FH: variants seen among roughly 807,000 people sequenced by gnomAD.
FH encodes the protein fumarate hydratase, also known as fumarate hydratase, mitochondrial.
FH carries 22 observed loss-of-function variants against 49.4 expected under a neutral mutation model. The observed-to-expected ratio is 0.45, with a 90% CI of 0.32 to 0.64. The LOEUF (loss-of-function observed/expected upper bound fraction) is 0.64. Among genes scored for constraint, FH ranks in the 30% least tolerant of loss-of-function variants. FH has a pLI of 0.05. For missense variants in FH, 526 were observed against 641.5 expected (o/e 0.82, Z 1.95); for synonymous variants, 208 against 223.0 (o/e 0.93, Z 0.60).
chr1:241,513,614 C>A lies in FH; in HGVS notation c.367G>T (p.Ala123Ser). The A allele has an allele frequency of 6.2e-7, 1 of 1,613,332 alleles. No individual in the cohort carries two copies. The highest frequency in any genetic ancestry group is 2.2e-5 in the East Asian group (1 of 44,866). ...DPKIANAIMK[A>S]ADEVAEGKLN... ...TTATCACCTCCTACCTCATCTGCTG[C>A]CTTCATTATTGCATTAGCAATCTTT... is the stretch of plus-strand genomic sequence containing the variant. Residue 123 changes from alanine (A) to serine (S), a missense_variant, in exon 3 of 10, where the codon GCA becomes TCA. By Grantham distance (99) the Ala-to-Ser change is moderately conservative. Around this residue, in one of 2 missense-constraint regions of FH, gnomAD observed 383 missense variants for 514.0 expected, o/e 0.75. Transcript: ENST00000366560.
chr1:241,502,209 C>T (rs568356071), intron 8 of FH, among the ~76,000 whole-genome samples: 2 of 152,098 alleles, frequency 1.3e-5, no homozygotes, highest in Admixed American at 1.3e-4. Context: ...TGTAGGGAGG[C>T]ATTTTATTTT....
intron 6 of FH, among the ~76,000 whole-genome samples, chr1:241,505,759 T>C (rs753048282): frequency 2.0e-5 from 3 of 152,226 alleles, no homozygotes; most frequent in Non-Finnish European, 4.4e-5. Context: ...GAAAACTAAC[T>C]AGTAAACAAA....
chr1:241,503,901 GGACCACA>G, intron 7 of FH, 134 bp downstream of exon 7: 1 of 872,044 alleles, frequency 1.1e-6, no homozygotes, highest in Non-Finnish European at 1.9e-6. Context: ...CCTGACCAGA[GGACCACA>G]GACATGCTGG....
At chr1:241,517,645 T>G (rs1660255940) in intron 1 of FH, among the ~76,000 whole-genome samples, 1 of 152,184 alleles carries the variant, frequency 6.6e-6, no homozygotes, top group Non-Finnish European at 1.5e-5. Context: ...CAATTCAATG[T>G]ACTTAGTTTA....
chr1:241,513,461 C>G, intron 3 of FH, 142 bp downstream of exon 3: 1 of 748,644 alleles, frequency 1.3e-6, no homozygotes, highest in Non-Finnish European at 2.4e-6. Context: ...AATATCACCA[C>G]TAAAAATAAT....
In FH at chr1:241,500,432, C is replaced by T. The variant is rs1352808353; in HGVS notation, c.1390+5G>A. On this transcript the variant is annotated splice_donor_5th_base_variant and intron_variant, in intron 9 of 9. Transcript: ENST00000366560. ...AAATGATATTATTATTCCTTAAACACTTACCTATATGAGGATTGAGAGCTG... is the reference window on the plus strand; with the variant it reads ...AAATGATATTATTATTCCTTAAACATTTACCTATATGAGGATTGAGAGCTG... The T allele has an allele frequency of 8.7e-6, 14 of 1,613,364 alleles. No individual in the cohort carries two copies. Among genetic ancestry groups the T allele is most frequent in the Non-Finnish European group, 1.1e-5 (13 of 1,179,422 alleles).
chr1:241,509,159 T>C (rs1298059000), intron 4 of FH, among the ~76,000 whole-genome samples: 1 of 151,214 alleles, frequency 6.6e-6, no homozygotes, highest in African/African-American at 2.4e-5. Flanking sequence ...ACAACTGCAC[T>C]TGAAGACAGC....
chr1:241,516,787 G>T (rs1180215622), intron 2 of FH, among the ~76,000 whole-genome samples: 1 of 151,788 alleles, frequency 6.6e-6, no homozygotes. Context: ...AGAGTAATTG[G>T]GACTACAGGC....
chr1:241,502,999 G>T (rs1232846752), intron 7 of FH, among the ~76,000 whole-genome samples: 1 of 152,118 alleles, frequency 6.6e-6, no homozygotes, highest in Non-Finnish European at 1.5e-5. Flanking sequence ...ACTAACACAT[G>T]GGAGGCTTCC....
intron 4 of FH, among the ~76,000 whole-genome samples, chr1:241,510,934 G>A (rs958362674): frequency 1.3e-5 from 2 of 152,118 alleles, no homozygotes; most frequent in African/African-American, 2.4e-5. Flanking sequence ...TTGCTATCAT[G>A]AACCCCTGAT....
chr1:241,503,604 C>A (rs1234802540), intron 7 of FH, among the ~76,000 whole-genome samples: 1 of 152,242 alleles, frequency 6.6e-6, no homozygotes, highest in African/African-American at 2.4e-5. Context: ...CTACATTCAT[C>A]TGCCAGCACT....
chr1:241,519,629 C>A lies in FH; in HGVS notation c.94G>T (p.Ala32Ser), dbSNP rs1371664717. ...LASAPGLGGA[A>S]VPSFWPPNAA... Reference sequence around the variant, plus strand: ...TTCGGAGGCCAAAACGAGGGCACGGCCGCGCCACCCAAGCCGGGAGCCGAA... The same window carrying A: ...TTCGGAGGCCAAAACGAGGGCACGGACGCGCCACCCAAGCCGGGAGCCGAA... Residue 32 changes from alanine (A) to serine (S), a missense_variant, in exon 1 of 10, where the codon GCC (alanine) becomes TCC (serine). Coordinates refer to ENST00000366560, the MANE Select transcript of FH (RefSeq NM_000143.4). The A allele has an allele frequency of 1.3e-6, 2 of 1,547,820 alleles. No homozygotes were observed. The highest frequency in any genetic ancestry group is 1.7e-6 in the Non-Finnish European group (2 of 1,146,486).
chr1:241,506,248 T>C (rs1253952758), intron 5 of FH, 80 bp from the exon 6 acceptor site: 5 of 1,063,408 alleles, frequency 4.7e-6, no homozygotes, highest in Non-Finnish European at 6.9e-6. Flanking sequence ...TAAATAGAAA[T>C]TTTTAAAAAT....
At chr1:241,516,098 T>C (rs1660203563) in intron 2 of FH, among the ~76,000 whole-genome samples, 2 of 152,100 alleles carry the variant, frequency 1.3e-5, no homozygotes, top group Admixed American at 6.5e-5. Context: ...AGTTTTAAAT[T>C]AGTGGGGGAA....
chr1:241,499,581 A>G (rs1659715282), intron 9 of FH, among the ~76,000 whole-genome samples: 1 of 152,252 alleles, frequency 6.6e-6, no homozygotes, highest in Non-Finnish European at 1.5e-5. Flanking sequence ...TTATAGCTTG[A>G]TGTGAAACCA....
intron 2 of FH, among the ~76,000 whole-genome samples, chr1:241,516,117 G>A (rs895252881): frequency 6.6e-6 from 1 of 152,096 alleles, no homozygotes; most frequent in Non-Finnish European, 1.5e-5. Context: ...AAAAAAGAAT[G>A]AGTATTGAAA....
chr1:241,514,647 A>T (rs960784195), intron 2 of FH, among the ~76,000 whole-genome samples: 20 of 152,194 alleles, frequency 1.3e-4, no homozygotes, highest in Non-Finnish European at 2.8e-4. Flanking sequence ...GAAAAAGCCA[A>T]GAAAAGTAAG....
At chr1:241,502,364 C>A in intron 8 of FH, 79 bp downstream of exon 8, 1 of 1,551,448 alleles carries the variant, frequency 6.4e-7, no homozygotes, top group Non-Finnish European at 8.9e-7. Flanking sequence ...TGTGGAATCA[C>A]TAGAAGTCTT....
chr1:241,515,097 T>G, intron 2 of FH, among the ~76,000 whole-genome samples: 1 of 152,234 alleles, frequency 6.6e-6, no homozygotes, highest in Non-Finnish European at 1.5e-5. Context: ...TTTATTCACA[T>G]TAGATGTTCA....
Sources: gnomAD v4.1 joint callset for allele counts (sites outside exome capture counted in the v4.1 genomes callset) on GRCh38, gnomAD v4.1.1 for gene constraint, gnomAD v4.1.1 regional missense constraint, MANE v1.5 for transcripts, NCBI Gene and HGNC (gene_info 2026-07-23, HGNC 2026-07-21) for gene names.